Variants in ADGRL3 observed in about 807,000 individuals in gnomAD.
ADGRL3 encodes calcium-independent alpha-latrotoxin receptor 3.
A neutral mutation model predicts 153.5 loss-of-function variants in ADGRL3; 62 were observed. The observed-to-expected ratio is 0.40, with a 90% CI of 0.33 to 0.50. The LOEUF (loss-of-function observed/expected upper bound fraction) is 0.50. ADGRL3 is among the 20% of genes least tolerant of loss of function. The pLI, the probability that ADGRL3 is intolerant of heterozygous loss-of-function variation, is 0.47. For synonymous variants in ADGRL3, 710 were observed against 672.5 expected (o/e 1.06, Z -0.86); for missense variants, 1,641 against 1,859.4 (o/e 0.88, Z 2.16).
intron 4 of ADGRL3, among the ~76,000 whole-genome samples, chr4:61,549,449 G>T (rs567209068): frequency 6.6e-6 from 1 of 151,890 alleles, no homozygotes; most frequent in Admixed American, 6.6e-5. Flanking sequence ...TAATTATTTT[G>T]TCTGCTTAGA....
At chr4:61,933,287 ATT>A (rs926359313) in intron 13 of ADGRL3, among the ~76,000 whole-genome samples, 3 of 151,840 alleles carry the variant, frequency 2.0e-5, no homozygotes, top group Admixed American at 1.3e-4. Context: ...TTTTATTTTT[ATT>A]TTTTTGGTTT....
intron 8 of ADGRL3, among the ~76,000 whole-genome samples, chr4:61,748,614 A>G (rs1240431194): frequency 6.6e-6 from 1 of 152,194 alleles, no homozygotes; most frequent in Non-Finnish European, 1.5e-5. Flanking sequence ...CGGGTAAAGG[A>G]TTCCCTATTT....
chr4:61,342,870 A>G (rs1015057620), intron 1 of ADGRL3, among the ~76,000 whole-genome samples: 2 of 152,198 alleles, frequency 1.3e-5, no homozygotes, highest in African/African-American at 4.8e-5. Context: ...TAATAAAGAC[A>G]TATCCGAGAC....
chr4:61,596,911 G>A (rs1170116667), intron 5 of ADGRL3, among the ~76,000 whole-genome samples: 1 of 152,036 alleles, frequency 6.6e-6, no homozygotes, highest in Non-Finnish European at 1.5e-5. Flanking sequence ...ATGATAAAAT[G>A]CATTAATTGA....
At chr4:61,613,016 A>G (rs951153643) in intron 5 of ADGRL3, among the ~76,000 whole-genome samples, 1 of 152,176 alleles carries the variant, frequency 6.6e-6, no homozygotes, top group African/African-American at 2.4e-5. Flanking sequence ...ATCACTGTAT[A>G]GGATACCCAT....
intron 13 of ADGRL3, among the ~76,000 whole-genome samples, chr4:61,921,762 T>G (rs2098770561): frequency 6.6e-6 from 1 of 152,238 alleles, no homozygotes; most frequent in Admixed American, 6.5e-5. Flanking sequence ...ATCTATATTT[T>G]TATACTGTTT....
At chr4:61,238,710 A>G (rs932628075) in intron 1 of ADGRL3, among the ~76,000 whole-genome samples, 10 of 152,220 alleles carry the variant, frequency 6.6e-5, no homozygotes, top group South Asian at 2.1e-4. Flanking sequence ...TTACTTTTCA[A>G]TGTCCTCATC....
intron 8 of ADGRL3, among the ~76,000 whole-genome samples, chr4:61,748,134 A>C (rs1239998689): frequency 6.6e-6 from 1 of 151,978 alleles, no homozygotes; most frequent in Non-Finnish European, 1.5e-5. Context: ...TAAAATACCT[A>C]GGAATCCAAC....
intron 17 of ADGRL3, among the ~76,000 whole-genome samples, chr4:61,952,875 A>G (rs953380244): frequency 2.0e-5 from 3 of 152,258 alleles, no homozygotes; most frequent in Non-Finnish European, 4.4e-5. Context: ...AATCCATTGT[A>G]TAACAGTCAT....
intron 2 of ADGRL3, among the ~76,000 whole-genome samples, chr4:61,405,746 T>G (rs2096986776): frequency 6.6e-6 from 1 of 151,990 alleles, no homozygotes; most frequent in Admixed American, 6.6e-5. Flanking sequence ...GAAGCTTTTT[T>G]TGTATTAAAT....
chr4:61,724,842 G>C (rs1444994429), intron 6 of ADGRL3, among the ~76,000 whole-genome samples: 5 of 152,092 alleles, frequency 3.3e-5, no homozygotes, highest in African/African-American at 1.2e-4. Flanking sequence ...AGAATTATCT[G>C]TTTTGGAATA....
intron 1 of ADGRL3, among the ~76,000 whole-genome samples, chr4:61,252,837 GC>G (rs1455901621): frequency 6.6e-6 from 1 of 151,918 alleles, no homozygotes; most frequent in African/African-American, 2.4e-5. Context: ...CATCATGTCT[GC>G]TATTTAATTT....
At chr4:61,249,461 T>G (rs900465639) in intron 1 of ADGRL3, among the ~76,000 whole-genome samples, 2 of 152,146 alleles carry the variant, frequency 1.3e-5, no homozygotes, top group Non-Finnish European at 2.9e-5. Context: ...GCATTTTGAC[T>G]CTGGCGTTCA....
At chr4:61,691,613 C>A (rs1042223458) in intron 6 of ADGRL3, among the ~76,000 whole-genome samples, 1 of 152,100 alleles carries the variant, frequency 6.6e-6, no homozygotes, top group Non-Finnish European at 1.5e-5. Flanking sequence ...TTCCAGCACA[C>A]AAGTAGTGCT....
In ADGRL3 at chr4:61,935,960, A is replaced by G. The variant is rs781215261; in HGVS notation, c.2334A>G (p.Leu778=). The change falls in exon 15 of 27, where the codon TTA becomes TTG. Residue 778 remains leucine (L), a synonymous_variant. Transcript: ENST00000683033. ...EVARLSTEGN[L]EDLKFPENMG... ...CAAGACTGAGCACAGAAGGAAACTTAGAAGACCTAAAATTTCCAGAAAACA... is the reference window on the plus strand; with the variant it reads ...CAAGACTGAGCACAGAAGGAAACTTGGAAGACCTAAAATTTCCAGAAAACA... 2 of 1,600,736 alleles carry G rather than the reference A, an allele frequency of 1.2e-6. No homozygotes were observed. The highest frequency in any genetic ancestry group is 2.7e-5 in the African/African-American group (2 of 74,852).
intron 3 of ADGRL3, among the ~76,000 whole-genome samples, chr4:61,497,767 G>T (rs935218774): frequency 6.6e-6 from 1 of 150,476 alleles, no homozygotes. Context: ...CTCGTGACCC[G>T]CCCTCCTTGG....
rs1561359993 is a variant in ADGRL3, at chr4:61,852,287, A to ATTTT, written c.1480+38398_1480+38399insTTTT. On this transcript the variant is annotated intron_variant, in intron 9 of 26. Coordinates refer to ENST00000683033, the MANE Select transcript of ADGRL3 (RefSeq NM_001387552.1). Reference sequence around the variant, plus strand: ...TGCATTTAACTACTTATTTTATTTTAATTTTATTTTATTTTATTTTATTTT... The same window carrying ATTTT: ...TGCATTTAACTACTTATTTTATTTTATTTTATTTTATTTTATTTTATTTTATTTT... 5.7e-5 allele frequency among the ~76,000 whole-genome samples: 6 copies of ATTTT among 105,812 alleles called. No individual in the cohort carries two copies. The East Asian group carries it at 1.0e-3, about 18-fold the overall frequency. The allele number at this position is 105,812 out of a possible 152,430, so 69.4% of individuals were successfully genotyped here. A position where few individuals can be genotyped will look rare whatever the true frequency, so the allele number is the denominator to read the frequency against.
At chr4:61,361,217 T>C (rs1339194066) in intron 1 of ADGRL3, among the ~76,000 whole-genome samples, 1 of 152,180 alleles carries the variant, frequency 6.6e-6, no homozygotes, top group Non-Finnish European at 1.5e-5. Flanking sequence ...ATTTCTTACA[T>C]TTATAAAGTG....
intron 2 of ADGRL3, among the ~76,000 whole-genome samples, chr4:61,483,842 T>C (rs1456396740): frequency 6.6e-6 from 1 of 150,786 alleles, no homozygotes. Context: ...TGTAGTTATA[T>C]GTACATTTAT....
Sources: allele counts gnomAD v4.1 joint callset (sites outside exome capture counted in the v4.1 genomes callset), GRCh38; gene constraint gnomAD v4.1.1; transcripts MANE v1.5; gene names NCBI Gene and HGNC (gene_info 2026-07-23, HGNC 2026-07-21).